The following CRB1 variants were observed in gnomAD, a reference collection of about 807,000 sequenced individuals.
CRB1 encodes the protein protein crumbs homolog 1.
A neutral mutation model predicts 120.0 loss-of-function variants in CRB1; 83 were observed. The ratio of observed to expected loss-of-function variants is 0.69; its 90% CI spans 0.58 to 0.83. The LOEUF (loss-of-function observed/expected upper bound fraction) is 0.83. Among genes scored for constraint, CRB1 ranks in the 40% least tolerant of loss-of-function variants. The pLI is 0.00. For missense variants in CRB1, 1,699 were observed against 1,687.6 expected (o/e 1.01, Z -0.12); for synonymous variants, 625 against 612.5 (o/e 1.02, Z -0.30).
At chr1:197,270,864 G>A (rs960954402) in intron 1 of CRB1, among the ~76,000 whole-genome samples, 6 of 152,132 alleles carry the variant, frequency 3.9e-5, no homozygotes, top group Non-Finnish European at 7.4e-5. Flanking sequence ...TAATGCTTAA[G>A]CAGACTTTAT....
rs76990132 is a variant in CRB1 at position 197,446,930 on chromosome 1, G to C, written c.4005+4638G>C. ...TTCTGGAGTTCAAGAGGCATATCAGGGTGTATATATTTGGGATATATATTA... is the reference window on the plus strand; with the variant it reads ...TTCTGGAGTTCAAGAGGCATATCAGCGTGTATATATTTGGGATATATATTA... On this transcript the variant is annotated intron_variant, in intron 11 of 11. Coordinates refer to ENST00000367400, the MANE Select transcript of CRB1 (RefSeq NM_201253.3). 7.1e-4 allele frequency among the ~76,000 whole-genome samples: 108 copies of C among 152,028 alleles called. No homozygotes were observed. The East Asian group carries it at 0.02, about 28-fold the overall frequency.
intron 11 of CRB1, among the ~76,000 whole-genome samples, chr1:197,451,562 C>T (rs1039276394): frequency 2.6e-5 from 4 of 152,128 alleles, no homozygotes; most frequent in Admixed American, 6.5e-5. Context: ...GAAACTGAAC[C>T]TAACACTGTC....
the CRB1 span, among the ~76,000 whole-genome samples, chr1:197,230,521 A>T: frequency 1.3e-5 from 2 of 152,258 alleles, no homozygotes; most frequent in African/African-American, 4.8e-5. Context: ...ACTCAAGTTT[A>T]GATTCAGTCT....
chr1:197,377,153 C>T (rs1661692643), intron 5 of CRB1, among the ~76,000 whole-genome samples: 1 of 152,058 alleles, frequency 6.6e-6, no homozygotes, highest in African/African-American at 2.4e-5. Flanking sequence ...ATTTCCTTAC[C>T]CTTATTAATT....
At chr1:197,416,213 T>C (rs1483837806) in intron 5 of CRB1, among the ~76,000 whole-genome samples, 1 of 152,230 alleles carries the variant, frequency 6.6e-6, no homozygotes, top group Non-Finnish European at 1.5e-5. Context: ...TCGAACTTCA[T>C]GTTATCTGCA....
rs143082878 is a variant in CRB1 at position 197,459,178 on chromosome 1, T to C, written c.4005+16886T>C. Among the ~76,000 whole-genome samples, 125 of 152,260 alleles carry C rather than the reference T, an allele frequency of 8.2e-4. 1 individual carries two copies. The East Asian group carries it at 0.021, about 26-fold the overall frequency. On this transcript the variant is annotated intron_variant, in intron 11 of 11. Transcript: ENST00000367400. ...ATAAATTAAGAGAAAGATTAGATGA[T>C]GGATTCCCTCGACCAAACTTTGGTA...
At chr1:197,466,870 GT>G (rs750738677) in intron 11 of CRB1, among the ~76,000 whole-genome samples, 1 of 152,238 alleles carries the variant, frequency 6.6e-6, no homozygotes, top group African/African-American at 2.4e-5. Context: ...GTTAAGAGCA[GT>G]GACACCAGTC....
At chr1:197,439,618 A>C (rs1175820712) in intron 10 of CRB1, 1 of 152,092 alleles carries the variant, frequency 6.6e-6, no homozygotes, top group Non-Finnish European at 1.5e-5. Flanking sequence ...TTTTAATGAG[A>C]AAGGTGTTCT....
chr1:197,320,791 ACT>A (rs1260309422), intron 1 of CRB1, among the ~76,000 whole-genome samples: 1 of 152,104 alleles, frequency 6.6e-6, no homozygotes, highest in Non-Finnish European at 1.5e-5. Flanking sequence ...CAAGTAAAGC[ACT>A]CTTATTAAAC....
At chr1:197,353,814 TAAAAAAAA>T (rs57274486) in intron 4 of CRB1, among the ~76,000 whole-genome samples, 1 of 89,430 alleles carries the variant, frequency 1.1e-5, no homozygotes, top group African/African-American at 5.0e-5. Flanking sequence ...AATATATAAA[TAAAAAAAA>T]AAAAAAAAAA....
the CRB1 span, among the ~76,000 whole-genome samples, chr1:197,250,599 G>T: frequency 6.6e-6 from 1 of 152,000 alleles, no homozygotes; most frequent in East Asian, 1.9e-4. Context: ...TGATTCAGCA[G>T]CATTAGGGGC....
rs1665042887 is a variant in CRB1, at chr1:197,434,739, G to A, written c.2876G>A (p.Gly959Asp). ...IANAVFNGQSGQILFRSNGNI... is the reference protein window; with the variant it reads ...IANAVFNGQSDQILFRSNGNI... ...AATGCTGTTTTTAATGGACAAAGCG[G>A]TCAAATATTATTCAGAAGCAATGGG... Residue 959 changes from glycine (G) to aspartate (D), a missense_variant, in exon 9 of 12, where the codon GGT (glycine) becomes GAT (aspartate). Coordinates refer to ENST00000367400, the MANE Select transcript of CRB1 (RefSeq NM_201253.3). 1 of 1,613,346 alleles carries A rather than the reference G, an allele frequency of 6.2e-7. No homozygotes were observed. The highest frequency in any genetic ancestry group is 8.5e-7 in the Non-Finnish European group (1 of 1,179,610).
intron 1 of CRB1, among the ~76,000 whole-genome samples, chr1:197,314,783 C>T (rs1468967244): frequency 1.3e-5 from 2 of 152,128 alleles, no homozygotes; most frequent in Non-Finnish European, 1.5e-5. Flanking sequence ...TGTTTAGTGT[C>T]ATGTCTCTCC....
chr1:197,233,067 GA>G, the CRB1 span, among the ~76,000 whole-genome samples: 1 of 151,990 alleles, frequency 6.6e-6, no homozygotes, highest in African/African-American at 2.4e-5. Flanking sequence ...GGCCTGGGAA[GA>G]AAGGGTAATC....
the CRB1 span, among the ~76,000 whole-genome samples, chr1:197,256,118 A>G: frequency 1.2e-4 from 18 of 150,898 alleles, no homozygotes; most frequent in South Asian, 2.1e-4. Context: ...AAGGTCATCA[A>G]TGACCTCCAT....
intron 2 of CRB1, among the ~76,000 whole-genome samples, chr1:197,330,611 A>T (rs906565219): frequency 6.6e-6 from 1 of 152,094 alleles, no homozygotes; most frequent in African/African-American, 2.4e-5. Flanking sequence ...GTTCTGCTAT[A>T]CTTTTTAAGA....
At chr1:197,443,558 T>A (rs1297436340) in intron 11 of CRB1, 1 of 151,888 alleles carries the variant, frequency 6.6e-6, no homozygotes, top group Admixed American at 6.5e-5. Context: ...TTTAAAAGTA[T>A]ATATTGTAAA....
chr1:197,388,152 A>G (rs1662318832), intron 5 of CRB1, among the ~76,000 whole-genome samples: 1 of 152,028 alleles, frequency 6.6e-6, no homozygotes, highest in Non-Finnish European at 1.5e-5. Flanking sequence ...ACTCGATATT[A>G]TATATAACAC....
chr1:197,237,327 G>C, the CRB1 span, among the ~76,000 whole-genome samples: 1 of 152,064 alleles, frequency 6.6e-6, no homozygotes, highest in East Asian at 1.9e-4. Flanking sequence ...CTGAGAAGTC[G>C]AAGATCAAGG....
Sources: gnomAD v4.1 joint callset for allele counts (sites outside exome capture counted in the v4.1 genomes callset) on GRCh38, gnomAD v4.1.1 for gene constraint, MANE v1.5 for transcripts, NCBI Gene and HGNC (gene_info 2026-07-23, HGNC 2026-07-21) for gene names.